Variants in OPCML observed in about 807,000 individuals in gnomAD.
OPCML encodes the protein opioid binding protein/cell adhesion molecule like.
Under a neutral mutation model 37.8 loss-of-function variants are expected in OPCML, and 13 were observed. That is an observed-to-expected ratio of 0.34 (90% confidence interval 0.22 to 0.55). OPCML has a LOEUF of 0.55. Among genes scored for constraint, OPCML ranks in the 20% least tolerant of loss-of-function variants. The pLI is 0.91. For missense variants in OPCML, 341 were observed against 435.6 expected, an observed-to-expected ratio of 0.78 and a Z score of 1.93; for synonymous variants, 176 against 168.8, an observed-to-expected ratio of 1.04 and a Z score of -0.33.
At chr11:133,207,217 G>T (rs1163120304) in intron 1 of OPCML, among the ~76,000 whole-genome samples, 4 of 151,862 alleles carry the variant, frequency 2.6e-5, no homozygotes, top group Admixed American at 6.6e-5. Flanking sequence ...GGAGAATGGC[G>T]TGAACCCAGG....
At chr11:133,414,468 G>T (rs1413230138) in intron 1 of OPCML, among the ~76,000 whole-genome samples, 1 of 152,104 alleles carries the variant, frequency 6.6e-6, no homozygotes, top group Non-Finnish European at 1.5e-5. Context: ...TCATGTATCA[G>T]ACCGAGACCT....
intron 1 of OPCML, chr11:133,299,652 C>A (rs1942730967): frequency 6.6e-6 from 1 of 152,154 alleles, no homozygotes; most frequent in South Asian, 2.1e-4. Flanking sequence ...ATAATTTATA[C>A]CATCTCTGAA....
intron 3 of OPCML, among the ~76,000 whole-genome samples, chr11:132,591,474 T>C (rs1417759341): frequency 6.6e-6 from 1 of 152,202 alleles, no homozygotes; most frequent in Non-Finnish European, 1.5e-5. Flanking sequence ...TTAGCAATAT[T>C]AAGTACCTGA....
chr11:132,565,387 A>C (rs1261976508), intron 3 of OPCML, among the ~76,000 whole-genome samples: 1 of 152,146 alleles, frequency 6.6e-6, no homozygotes, highest in Non-Finnish European at 1.5e-5. Context: ...TTAATTTGGG[A>C]ATCATATGTA....
intron 1 of OPCML, among the ~76,000 whole-genome samples, chr11:133,016,438 G>T (rs937748139): frequency 6.6e-6 from 1 of 152,176 alleles, no homozygotes; most frequent in Non-Finnish European, 1.5e-5. Context: ...GCCAGCAAAG[G>T]CCTGTCAATT....
intron 1 of OPCML, among the ~76,000 whole-genome samples, chr11:133,163,594 TG>T (rs1231364603): frequency 1.3e-5 from 2 of 152,202 alleles, no homozygotes; most frequent in Admixed American, 6.5e-5. Flanking sequence ...CAGTATATGG[TG>T]TATACCACAG....
chr11:133,518,969 C>A (rs1948347484), intron 1 of OPCML, among the ~76,000 whole-genome samples: 1 of 152,122 alleles, frequency 6.6e-6, no homozygotes, highest in South Asian at 2.1e-4. Context: ...CTGTGGGTGA[C>A]AGTCCCTGAA....
chr11:133,479,027 C>T (rs957371014), intron 1 of OPCML, among the ~76,000 whole-genome samples: 15 of 152,180 alleles, frequency 9.9e-5, no homozygotes, highest in African/African-American at 3.1e-4. Flanking sequence ...TTTTTTGTAT[C>T]TGTATAATGG....
chr11:132,623,401 G>A (rs1939545274), intron 3 of OPCML, among the ~76,000 whole-genome samples: 2 of 151,608 alleles, frequency 1.3e-5, no homozygotes, highest in African/African-American at 4.8e-5. Flanking sequence ...ATTAATGACT[G>A]CAAAAGCTGT....
intron 1 of OPCML, among the ~76,000 whole-genome samples, chr11:133,328,132 T>C (rs533406717): frequency 1.3e-5 from 2 of 152,084 alleles, no homozygotes; most frequent in Non-Finnish European, 2.9e-5. Context: ...AATAATGATA[T>C]TATAAACCTT....
At chr11:133,117,212 T>C (rs547588597) in intron 1 of OPCML, among the ~76,000 whole-genome samples, 24 of 152,308 alleles carry the variant, frequency 1.6e-4, no homozygotes, top group Admixed American at 8.5e-4. Flanking sequence ...TGAGCACTTC[T>C]TTATTTTGTG....
chr11:132,566,974 T>TA (rs2096424887), intron 3 of OPCML, among the ~76,000 whole-genome samples: 2 of 151,170 alleles, frequency 1.3e-5, no homozygotes, highest in Non-Finnish European at 3.0e-5. Context: ...CAGTTAGGTT[T>TA]TTTTTTTTTT....
At chr11:133,131,751 C>T (rs1186932723) in intron 1 of OPCML, among the ~76,000 whole-genome samples, 3 of 152,174 alleles carry the variant, frequency 2.0e-5, no homozygotes, top group African/African-American at 7.2e-5. Flanking sequence ...ATTTCAAGTG[C>T]TGTCTTAACA....
chr11:132,756,744 AC>A (rs1314862099), intron 2 of OPCML, among the ~76,000 whole-genome samples: 1 of 152,214 alleles, frequency 6.6e-6, no homozygotes, highest in Non-Finnish European at 1.5e-5. Context: ...AGAATGCCGT[AC>A]TAAGAACCAG....
intron 1 of OPCML, among the ~76,000 whole-genome samples, chr11:133,201,548 A>C (rs1336538290): frequency 6.6e-6 from 1 of 152,204 alleles, no homozygotes; most frequent in Non-Finnish European, 1.5e-5. Flanking sequence ...GGTAAGTGGC[A>C]TGAGAGCAAG....
chr11:132,736,988 G>A (rs76202150), intron 2 of OPCML, among the ~76,000 whole-genome samples: 8,189 of 152,244 alleles, frequency 0.054, 634 homozygotes, highest in African/African-American at 0.17. Context: ...GTTTGTTGTC[G>A]TGGAATAGGA....
chr11:132,763,068 G>A (rs1056040628), intron 2 of OPCML, among the ~76,000 whole-genome samples: 1 of 152,048 alleles, frequency 6.6e-6, no homozygotes, highest in Non-Finnish European at 1.5e-5. Flanking sequence ...CTAGGGGAGG[G>A]AGTTCCCTGA....
At chr11:133,087,094 G>A (rs995827316) in intron 1 of OPCML, among the ~76,000 whole-genome samples, 22 of 152,142 alleles carry the variant, frequency 1.4e-4, no homozygotes, top group Admixed American at 9.8e-4. Flanking sequence ...TTTAACAGAC[G>A]ACGAACTTAA....
At chr11:132,449,494 C>T (rs577743276) in intron 4 of OPCML, among the ~76,000 whole-genome samples, 29 of 152,248 alleles carry the variant, frequency 1.9e-4, no homozygotes, top group South Asian at 1.5e-3. Context: ...CTGTCCTCCT[C>T]GCCTTTACTA....
Sources: allele counts gnomAD v4.1 joint callset (sites outside exome capture counted in the v4.1 genomes callset), GRCh38; gene constraint gnomAD v4.1.1; transcripts MANE v1.5; gene names NCBI Gene and HGNC (gene_info 2026-07-23, HGNC 2026-07-21).